Variants in PCDH11X observed in about 807,000 individuals in gnomAD.
The protein encoded by PCDH11X is protocadherin-11 X-linked.
Under a neutral mutation model 53.3 loss-of-function variants are expected in PCDH11X, and 18 were observed. The observed-to-expected ratio is 0.34, with a 90% CI of 0.23 to 0.50. The LOEUF (loss-of-function observed/expected upper bound fraction) is 0.50. Ranked by LOEUF, PCDH11X falls within the 20% of genes least tolerant of loss-of-function variation. The pLI is 0.98. For synonymous variants in PCDH11X, 279 were observed against 393.3 expected (o/e 0.71, Z 3.44); for missense variants, 570 against 1,032.4 (o/e 0.55, Z 6.14).
rs1398942222 is a variant in PCDH11X at position 92,072,590 on chromosome X, G to A, written c.3034-128785G>A. On this transcript the variant is annotated intron_variant, in intron 6 of 10. Coordinates refer to ENST00000682573, the MANE Select transcript of PCDH11X (RefSeq NM_032968.5). ...GGATGTGTCTAGAAATACCATGTCG[G>A]AGCTAAGGCTTGGAATGAGACCTTC... is the stretch of plus-strand genomic sequence containing the variant. 2.7e-5 allele frequency among the ~76,000 whole-genome samples: 3 copies of A among 111,677 alleles called. No individual in the cohort carries two copies. In the East Asian group the frequency reaches 8.7e-4, roughly 32 times the overall value.
At chrX:91,977,300 A>G (rs1473695247) in intron 6 of PCDH11X, among the ~76,000 whole-genome samples, 3 of 111,644 alleles carry the variant, frequency 2.7e-5, no homozygotes, top group Admixed American at 1.9e-4. Flanking sequence ...GTTTTTGCCC[A>G]GGTGCTTAAT....
chrX:92,256,988 G>A (rs2067604696), intron 7 of PCDH11X, among the ~76,000 whole-genome samples: 1 of 111,171 alleles, frequency 9.0e-6, no homozygotes, highest in African/African-American at 3.3e-5. Flanking sequence ...AGAAATTTCT[G>A]AGACTGGGTA....
chrX:92,106,330 A>G (rs915656844), intron 6 of PCDH11X, among the ~76,000 whole-genome samples: 4 of 106,615 alleles, frequency 3.8e-5, no homozygotes, highest in African/African-American at 1.4e-4. Context: ...AATTATGTTA[A>G]ATATTTTTCT....
chrX:92,395,897 G>A (rs2071232071), intron 9 of PCDH11X, among the ~76,000 whole-genome samples: 2 of 108,699 alleles, frequency 1.8e-5, no homozygotes, highest in Admixed American at 2.0e-4. Context: ...CAAGGGGACT[G>A]TTACAATATA....
intron 9 of PCDH11X, among the ~76,000 whole-genome samples, chrX:92,447,821 A>T (rs2072688749): frequency 1.8e-5 from 2 of 112,557 alleles, no homozygotes; most frequent in South Asian, 7.4e-4. Context: ...ACAACAGCCT[A>T]TGAAAGCAGC....
intron 8 of PCDH11X, among the ~76,000 whole-genome samples, chrX:92,343,548 A>G (rs1234565743): frequency 9.0e-6 from 1 of 110,509 alleles, no homozygotes; most frequent in African/African-American, 3.3e-5. Context: ...ATATAAAGCT[A>G]TATATCTACG....
chrX:92,095,550 C>A (rs1293387013), intron 6 of PCDH11X, among the ~76,000 whole-genome samples: 1 of 111,058 alleles, frequency 9.0e-6, no homozygotes, highest in Non-Finnish European at 1.9e-5. Context: ...GAAGTAACCT[C>A]CTTTTGATGT....
intron 4 of PCDH11X, among the ~76,000 whole-genome samples, chrX:91,823,254 G>T (rs996507870): frequency 9.0e-6 from 1 of 111,038 alleles, no homozygotes; most frequent in South Asian, 3.8e-4. Flanking sequence ...TAGTTGATCT[G>T]TCTAATGTTG....
chrX:92,502,236 A>G (rs1263137175), intron 10 of PCDH11X, among the ~76,000 whole-genome samples: 1 of 110,993 alleles, frequency 9.0e-6, no homozygotes, highest in African/African-American at 3.3e-5. Flanking sequence ...AAACAAATGG[A>G]AAAACATTCC....
chrX:92,154,679 G>T (rs1260810254), intron 6 of PCDH11X, among the ~76,000 whole-genome samples: 2 of 110,863 alleles, frequency 1.8e-5, no homozygotes, highest in Non-Finnish European at 3.8e-5. Context: ...CAAGCGGCTG[G>T]TCATCCAGGG....
intron 8 of PCDH11X, among the ~76,000 whole-genome samples, chrX:92,318,608 C>T (rs1318647652): frequency 9.0e-6 from 1 of 111,581 alleles, no homozygotes; most frequent in Non-Finnish European, 1.9e-5. Context: ...CAGTGCTTGA[C>T]ATCATCTCCA....
At chrX:92,507,200 T>A (rs1193007725) in intron 10 of PCDH11X, among the ~76,000 whole-genome samples, 1 of 111,004 alleles carries the variant, frequency 9.0e-6, no homozygotes, top group African/African-American at 3.3e-5. Context: ...TTTTGTATGT[T>A]TTCATGTGTC....
chrX:92,555,352 G>C (rs1310670488), intron 10 of PCDH11X, among the ~76,000 whole-genome samples: 1 of 111,737 alleles, frequency 8.9e-6, no homozygotes, highest in Non-Finnish European at 1.9e-5. Context: ...GATCTATCAT[G>C]ATGATATTTT....
intron 6 of PCDH11X, among the ~76,000 whole-genome samples, chrX:92,025,752 C>T (rs1195229428): frequency 9.3e-6 from 1 of 107,696 alleles, no homozygotes; most frequent in East Asian, 2.9e-4. Context: ...GACACAAGCA[C>T]ACATATGTTT....
chrX:92,140,663 G>A (rs1039963112), intron 6 of PCDH11X, among the ~76,000 whole-genome samples: 1 of 111,277 alleles, frequency 9.0e-6, no homozygotes, highest in African/African-American at 3.3e-5. Flanking sequence ...TAAATTTATA[G>A]AATAAATGGC....
intron 5 of PCDH11X, among the ~76,000 whole-genome samples, chrX:91,846,676 C>A (rs1290900299): frequency 1.8e-5 from 2 of 110,740 alleles, no homozygotes; most frequent in Non-Finnish European, 3.8e-5. Context: ...TTACACAGTT[C>A]ATTGACAATT....
At chrX:92,613,545 T>TTGTGTGTGTG (rs201132708) in intron 10 of PCDH11X, among the ~76,000 whole-genome samples, 2 of 65,539 alleles carry the variant, frequency 3.1e-5, no homozygotes, top group Non-Finnish European at 6.2e-5. Context: ...GTTGTTGTTG[T>TTGTGTGTGTG]TGTGTGTGTG....
chrX:92,331,330 C>CTTCTTCTTCTTCTTCTTCTTCTTCTTCTT (rs2069478018), intron 8 of PCDH11X, among the ~76,000 whole-genome samples: 1 of 91,232 alleles, frequency 1.1e-5, no homozygotes, highest in African/African-American at 4.3e-5. Flanking sequence ...TCTTCTTCTT[C>CTTCTTCTTCTTCTTCTTCTTCTTCTTCTT]TTCCTTCCTT....
chrX:92,147,806 CCTTCCTTTCTTTCTTT>C lies in PCDH11X; in HGVS notation c.3034-53565_3034-53550del, dbSNP rs1306203683. On this transcript the variant is annotated intron_variant, in intron 6 of 10. Transcript: ENST00000682573. ...TTTCTTTCTTTTCCTTTCTTTTCTT[CCTTCCTTTCTTTCTTT>C]CTTTCTTTCTTTCTTTCTTTCTTTC... 7.7e-4 allele frequency among the ~76,000 whole-genome samples: 50 copies of C among 65,261 alleles called. 1 individual carries two copies. Among genetic ancestry groups the C allele is most frequent in the African/African-American group, 3.1e-3 (47 of 15,380 alleles). The allele number at this position is 65,261 out of a possible 115,157, so 56.7% of individuals were successfully genotyped here.
Sources: gnomAD v4.1 joint callset for allele counts (sites outside exome capture counted in the v4.1 genomes callset) on GRCh38, gnomAD v4.1.1 for gene constraint, MANE v1.5 for transcripts, NCBI Gene and HGNC (gene_info 2026-07-23, HGNC 2026-07-21) for gene names.